SEMA3E: variants seen among roughly 807,000 people sequenced by gnomAD.
The protein encoded by SEMA3E is semaphorin-3E.
SEMA3E carries 49 observed loss-of-function variants against 93.6 expected under a neutral mutation model. The ratio of observed to expected loss-of-function variants is 0.52; its 90% confidence interval spans 0.42 to 0.66. SEMA3E has a LOEUF of 0.66. Ranked by LOEUF, SEMA3E falls within the 30% of genes least tolerant of loss-of-function variation. SEMA3E has a pLI of 0.00. For missense variants in SEMA3E, 906 were observed against 964.8 expected, an observed-to-expected ratio of 0.94 and a Z score of 0.81; for synonymous variants, 363 against 330.7, an observed-to-expected ratio of 1.10 and a Z score of -1.06.
chr7:83,463,190 C>T (rs1789668075), intron 4 of SEMA3E, among the ~76,000 whole-genome samples: 2 of 151,320 alleles, frequency 1.3e-5, no homozygotes, highest in Non-Finnish European at 1.5e-5. Context: ...AACTCCTTTC[C>T]TTCCTAGGCA....
At chr7:83,606,042 A>T (rs1793110609) in intron 1 of SEMA3E, among the ~76,000 whole-genome samples, 1 of 152,258 alleles carries the variant, frequency 6.6e-6, no homozygotes, top group South Asian at 2.1e-4. Context: ...ATATTTTAAC[A>T]TTTTGAAATC....
chr7:83,414,768 C>T lies in SEMA3E; in HGVS notation c.550+3622G>A, dbSNP rs190529548. Among the ~76,000 whole-genome samples, 3 of 152,112 alleles carry T rather than the reference C, an allele frequency of 2.0e-5. No homozygotes were observed. The East Asian group carries it at 5.8e-4, about 29-fold the overall frequency. On this transcript the variant is annotated intron_variant, in intron 5 of 16. Transcript: ENST00000643230. ...TTTCAAAGCAAAGTTTCAAAAGGTA[C>T]ATGACAAATCAGGGTGTTTTTTTCC...
At chr7:83,621,700 C>G (rs932138566) in intron 1 of SEMA3E, among the ~76,000 whole-genome samples, 1 of 152,110 alleles carries the variant, frequency 6.6e-6, no homozygotes, top group Admixed American at 6.6e-5. Flanking sequence ...ACACCTACAA[C>G]GATCTGATCT....
intron 2 of SEMA3E, among the ~76,000 whole-genome samples, chr7:83,489,328 CA>C (rs1294009550): frequency 1.3e-5 from 2 of 151,318 alleles, no homozygotes; most frequent in Non-Finnish European, 2.9e-5. Flanking sequence ...GAAGAAACAA[CA>C]AGAAGTTTAA....
At position 83,400,015 on chromosome 7, in the gene SEMA3E, C is replaced by G. The variant is rs1467577319; in HGVS notation, c.1366+13G>C. ...CAATTTAAATATCTCTGAGTACTTT[C>G]TCGTCTCTTTACCTGTCCCAATAAA... On this transcript the variant is annotated intron_variant, in intron 11 of 16. Coordinates refer to ENST00000643230, the MANE Select transcript of SEMA3E (RefSeq NM_012431.3). The G allele has an allele frequency of 6.3e-7, 1 of 1,580,392 alleles. No individual in the cohort carries two copies. The highest frequency in any genetic ancestry group is 8.7e-7 in the Non-Finnish European group (1 of 1,149,590).
At chr7:83,592,569 TTGA>T (rs1342040381) in intron 1 of SEMA3E, among the ~76,000 whole-genome samples, 1 of 152,180 alleles carries the variant, frequency 6.6e-6, no homozygotes, top group East Asian at 1.9e-4. Flanking sequence ...TTATCAATAT[TTGA>T]TGATTGAGTA....
chr7:83,543,358 C>CTTTTTT (rs72053273), intron 1 of SEMA3E, among the ~76,000 whole-genome samples: 1 of 150,908 alleles, frequency 6.6e-6, no homozygotes. Flanking sequence ...ACTGAATGAA[C>CTTTTTT]TTTTTTTTTA....
chr7:83,581,804 A>G (rs1792523625), intron 1 of SEMA3E, among the ~76,000 whole-genome samples: 3 of 151,994 alleles, frequency 2.0e-5, no homozygotes, highest in Admixed American at 1.3e-4. Context: ...ACAATCTGTC[A>G]GAGTGTACAG....
chr7:83,643,585 T>C (rs1031264225), intron 1 of SEMA3E, among the ~76,000 whole-genome samples: 1 of 151,916 alleles, frequency 6.6e-6, no homozygotes, highest in Non-Finnish European at 1.5e-5. Context: ...CTTTCATATA[T>C]CCAGATGCAC....
At chr7:83,413,058 AATAG>A (rs949174262) in intron 5 of SEMA3E, among the ~76,000 whole-genome samples, 27 of 152,306 alleles carry the variant, frequency 1.8e-4, no homozygotes, top group African/African-American at 6.5e-4. Context: ...GACTCTTTGA[AATAG>A]ATAAAAACAC....
intron 1 of SEMA3E, among the ~76,000 whole-genome samples, chr7:83,617,549 A>G (rs1044390889): frequency 6.8e-6 from 1 of 146,574 alleles, no homozygotes; most frequent in African/African-American, 2.5e-5. Flanking sequence ...TAAGTAATAT[A>G]TAATTTTATA....
intron 1 of SEMA3E, among the ~76,000 whole-genome samples, chr7:83,634,065 T>C (rs537869526): frequency 2.0e-5 from 3 of 152,310 alleles, no homozygotes; most frequent in East Asian, 3.9e-4. Context: ...AACTATCCAA[T>C]AGATATAAAT....
At chr7:83,496,135 AAG>A (rs1355205803) in intron 1 of SEMA3E, among the ~76,000 whole-genome samples, 1 of 151,948 alleles carries the variant, frequency 6.6e-6, no homozygotes, top group Non-Finnish European at 1.5e-5. Flanking sequence ...TGTATGCAAA[AAG>A]AGAATTTATT....
chr7:83,600,501 T>A (rs1486865168), intron 1 of SEMA3E, among the ~76,000 whole-genome samples: 1 of 127,972 alleles, frequency 7.8e-6, no homozygotes, highest in Non-Finnish European at 1.6e-5. Context: ...TTTTTTTTTT[T>A]TTTTTTTTTT....
Position 83,363,999 on chromosome 7 carries a change from A to G in SEMA3E, c.*3587T>C, listed in dbSNP as rs1376820604. ...AAGCTCCGCTTCCCGGGTTCACGCCATTCTCCTGCCTCAGCCTCCCAAGTA... is the reference window on the plus strand; with the variant it reads ...AAGCTCCGCTTCCCGGGTTCACGCCGTTCTCCTGCCTCAGCCTCCCAAGTA... On this transcript the variant is annotated 3_prime_UTR_variant, in exon 17 of 17. Transcript: ENST00000643230. 6.9e-6 allele frequency: 1 copy of G among 144,846 alleles called. No individual in the cohort carries two copies. Among genetic ancestry groups the G allele is most frequent in the African/African-American group, 2.6e-5 (1 of 38,786 alleles). The allele number at this position is 144,846 out of a possible 1,614,324, so 9.0% of individuals were successfully genotyped here. A position where few individuals can be genotyped will look rare whatever the true frequency, so the allele number is the denominator to read the frequency against.
At chr7:83,399,992 A>G (rs953834827) in intron 11 of SEMA3E, 36 bp downstream of exon 11, 2 of 1,465,478 alleles carry the variant, frequency 1.4e-6, no homozygotes, top group African/African-American at 1.4e-5. Context: ...TTAAGGGTCA[A>G]TTTAAATATC....
chr7:83,410,238 T>A (rs879572910), intron 5 of SEMA3E, among the ~76,000 whole-genome samples: 1 of 151,968 alleles, frequency 6.6e-6, no homozygotes, highest in African/African-American at 2.4e-5. Flanking sequence ...AAAGTAAATG[T>A]GTCAGAGTGT....
Position 83,408,281 on chromosome 7 carries a change from T to G in SEMA3E, c.670+87A>C. The stretch of plus-strand genomic sequence containing the variant: ...ATTTGTAAAGGAATTGTATTTATAT[T>G]CTTATTATTATCAAAATGGCAACAT... On this transcript the variant is annotated intron_variant, in intron 6 of 16. Transcript: ENST00000643230. 2.0e-6 allele frequency: 3 copies of G among 1,470,348 alleles called. No individual in the cohort carries two copies. The South Asian group carries it at 3.5e-5, about 17-fold the overall frequency. 91.1% of individuals were successfully genotyped at this position (1,470,348 alleles called of 1,614,324 possible).
chr7:83,550,051 G>T (rs1243440286), intron 1 of SEMA3E, among the ~76,000 whole-genome samples: 1 of 147,540 alleles, frequency 6.8e-6, no homozygotes, highest in African/African-American at 2.6e-5. Context: ...TTTTATTTAC[G>T]CCATTTGAGG....
Sources: allele counts gnomAD v4.1 joint callset (sites outside exome capture counted in the v4.1 genomes callset), GRCh38; gene constraint gnomAD v4.1.1; transcripts MANE v1.5; gene names NCBI Gene and HGNC (gene_info 2026-07-23, HGNC 2026-07-21).